ATXN7L1: variants seen among roughly 807,000 people sequenced by gnomAD.
The protein encoded by ATXN7L1 is ataxin-7-like protein 1.
Under a neutral mutation model 70.8 loss-of-function variants are expected in ATXN7L1, and 15 were observed. The ratio of observed to expected loss-of-function variants is 0.21; its 90% CI spans 0.14 to 0.33. The LOEUF (loss-of-function observed/expected upper bound fraction) is 0.33. Among genes scored for constraint, ATXN7L1 ranks in the 10% least tolerant of loss-of-function variants. The pLI is 1.00. For synonymous variants in ATXN7L1, 440 were observed against 445.1 expected (o/e 0.99, Z 0.14); for missense variants, 975 against 1,097.1 (o/e 0.89, Z 1.57).
chr7:105,789,954 A>AGAACATTATCCATCCACT (rs1804894749), intron 2 of ATXN7L1, among the ~76,000 whole-genome samples: 1 of 152,232 alleles, frequency 6.6e-6, no homozygotes, highest in Non-Finnish European at 1.5e-5. Context: ...AAAATACCAC[A>AGAACATTATCCATCCACT]GAACATTATC....
chr7:105,851,011 C>T (rs1300273618), intron 2 of ATXN7L1, among the ~76,000 whole-genome samples: 1 of 152,152 alleles, frequency 6.6e-6, no homozygotes, highest in East Asian at 1.9e-4. Flanking sequence ...CAACTTCCCA[C>T]AACACCTCCC....
intron 3 of ATXN7L1, among the ~76,000 whole-genome samples, chr7:105,729,983 C>T (rs1405478746): frequency 2.0e-5 from 3 of 151,938 alleles, no homozygotes; most frequent in South Asian, 2.1e-4. Flanking sequence ...GTGATCCGCC[C>T]GTCTCGGCCT....
intron 3 of ATXN7L1, among the ~76,000 whole-genome samples, chr7:105,749,270 A>T (rs1437473829): frequency 6.6e-6 from 1 of 151,950 alleles, no homozygotes; most frequent in East Asian, 1.9e-4. Flanking sequence ...GGGTATAGTT[A>T]CAGTACAGGA....
In ATXN7L1 at chr7:105,620,379, T is replaced by C. The variant is rs1324431726; in HGVS notation, c.1396-58A>G. 6 of 1,450,946 alleles carry C rather than the reference T, an allele frequency of 4.1e-6. No individual in the cohort carries two copies. In the African/African-American group the frequency reaches 5.8e-5, roughly 14 times the overall value. 89.9% of individuals were successfully genotyped at this position (1,450,946 alleles called of 1,614,324 possible). A position where few individuals can be genotyped will look rare whatever the true frequency, so the allele number is the denominator to read the frequency against. On this transcript the variant is annotated intron_variant, in intron 8 of 11. Transcript: ENST00000419735. ...CAGGTTAATAAGCTAATATAAACTA[T>C]ACAGAGAAAAATAACATTTACATAA...
chr7:105,636,501 A>C (rs911162529), intron 7 of ATXN7L1, among the ~76,000 whole-genome samples: 19 of 136,222 alleles, frequency 1.4e-4, no homozygotes, highest in African/African-American at 5.2e-4. Context: ...GATTAACCTC[A>C]CCCATCCTTT....
chr7:105,790,886 G>A (rs973345014), intron 2 of ATXN7L1, among the ~76,000 whole-genome samples: 5 of 152,104 alleles, frequency 3.3e-5, no homozygotes, highest in African/African-American at 1.2e-4. Flanking sequence ...AACCTCCTCT[G>A]GTTGAGAACC....
chr7:105,630,773 G>C (rs1796482137), intron 7 of ATXN7L1, among the ~76,000 whole-genome samples: 1 of 152,102 alleles, frequency 6.6e-6, no homozygotes, highest in South Asian at 2.1e-4. Context: ...CTCTGGTGGG[G>C]GATGTTGATA....
chr7:105,663,308 G>A (rs1005283309), intron 4 of ATXN7L1, among the ~76,000 whole-genome samples: 14 of 152,292 alleles, frequency 9.2e-5, no homozygotes, highest in African/African-American at 3.1e-4. Flanking sequence ...CCAGCTGTGT[G>A]GCAGGTAACT....
rs533655027 is a variant in ATXN7L1 at position 105,779,468 on chromosome 7, A to G, written c.355+9136T>C. Reference sequence around the variant, plus strand: ...ATAAAAACTTGAAGTGAAGCAAAACATGGTCCTACTTAGTCGTAGATTCTC... The same window carrying G: ...ATAAAAACTTGAAGTGAAGCAAAACGTGGTCCTACTTAGTCGTAGATTCTC... On this transcript the variant is annotated intron_variant, in intron 3 of 11. Coordinates refer to ENST00000419735, the MANE Select transcript of ATXN7L1 (RefSeq NM_020725.2). 3.9e-5 allele frequency among the ~76,000 whole-genome samples: 6 copies of G among 152,302 alleles called. No individual in the cohort carries two copies. The East Asian group carries it at 1.2e-3, about 29-fold the overall frequency.
Position 105,858,841 on chromosome 7 carries a change from C to T in ATXN7L1, c.250+16971G>A, listed in dbSNP as rs978781059. On this transcript the variant is annotated intron_variant, in intron 2 of 11. Transcript: ENST00000419735. ...AAGGAAGTGACAAGACAGACCAGAA[C>T]AGGAAGCATTTTAAATGGCAATGTT... 2.0e-5 allele frequency among the ~76,000 whole-genome samples: 3 copies of T among 151,956 alleles called. No homozygotes were observed. The East Asian group carries it at 5.8e-4, about 29-fold the overall frequency.
chr7:105,646,225 G>A (rs1220377869), intron 4 of ATXN7L1, among the ~76,000 whole-genome samples: 1 of 152,010 alleles, frequency 6.6e-6, no homozygotes, highest in Non-Finnish European at 1.5e-5. Flanking sequence ...CAGGTGGATC[G>A]CTTGAGCTCA....
rs181814340 is a variant in ATXN7L1, at chr7:105,837,027, G to A, written c.250+38785C>T. On this transcript the variant is annotated intron_variant, in intron 2 of 11. Transcript: ENST00000419735. ...CTGACATTGCTCGGCTTCTGGGGAG[G>A]CCTCAGGGAGCTTTTACTCATGGTG... Among the ~76,000 whole-genome samples, 14 of 152,294 alleles carry A rather than the reference G, an allele frequency of 9.2e-5. No individual in the cohort carries two copies. The East Asian group carries it at 2.7e-3, about 29-fold the overall frequency.
At chr7:105,703,044 A>T (rs1023980954) in intron 3 of ATXN7L1, among the ~76,000 whole-genome samples, 1 of 152,220 alleles carries the variant, frequency 6.6e-6, no homozygotes, top group Non-Finnish European at 1.5e-5. Context: ...TGAACCTAGG[A>T]GGCGGAGCTT....
At chr7:105,735,622 T>C (rs963346006) in intron 3 of ATXN7L1, among the ~76,000 whole-genome samples, 2 of 152,188 alleles carry the variant, frequency 1.3e-5, no homozygotes, top group African/African-American at 4.8e-5. Context: ...GTTTCAACAA[T>C]TAATATCCCG....
intron 4 of ATXN7L1, among the ~76,000 whole-genome samples, chr7:105,653,681 A>C (rs1327600255): frequency 6.6e-6 from 1 of 152,110 alleles, no homozygotes; most frequent in Non-Finnish European, 1.5e-5. Flanking sequence ...TCTGACCATG[A>C]AAGTCTTTGT....
chr7:105,742,932 C>G (rs1319739661), intron 3 of ATXN7L1, among the ~76,000 whole-genome samples: 2 of 152,136 alleles, frequency 1.3e-5, no homozygotes, highest in Non-Finnish European at 2.9e-5. Flanking sequence ...ACCTCTCCCC[C>G]TCTCAACATG....
At chr7:105,774,812 A>T (rs1563082301) in intron 3 of ATXN7L1, among the ~76,000 whole-genome samples, 1 of 152,102 alleles carries the variant, frequency 6.6e-6, no homozygotes, top group Non-Finnish European at 1.5e-5. Flanking sequence ...TGAGCAGAAA[A>T]CCACAGCCAC....
chr7:105,616,930 A>G (rs1793987010), intron 9 of ATXN7L1, among the ~76,000 whole-genome samples: 1 of 152,256 alleles, frequency 6.6e-6, no homozygotes, highest in Non-Finnish European at 1.5e-5. Flanking sequence ...ACATGTGGGC[A>G]GAGGTTTGGC....
Position 105,641,212 on chromosome 7 carries a change from C to CTTTT in ATXN7L1, c.862+1625_862+1626insAAAA, listed in dbSNP as rs1330033741. 2.5e-3 allele frequency among the ~76,000 whole-genome samples: 163 copies of CTTTT among 63,982 alleles called. 5 individuals are homozygous for CTTTT. The highest frequency in any genetic ancestry group is 9.3e-3 in the African/African-American group (153 of 16,478). The allele number at this position is 63,982 out of a possible 152,430, so 42.0% of individuals were successfully genotyped here. A position where few individuals can be genotyped will look rare whatever the true frequency, so the allele number is the denominator to read the frequency against. ...CTGCCTTTTCTCTCTCTCTCTCTCT[C>CTTTT]TCTTTTTTTTTTTTTTTTTTTTTTT... is the stretch of plus-strand genomic sequence containing the variant. On this transcript the variant is annotated intron_variant, in intron 5 of 11. Transcript: ENST00000419735.
Sources: gnomAD v4.1 joint callset for allele counts (sites outside exome capture counted in the v4.1 genomes callset) on GRCh38, gnomAD v4.1.1 for gene constraint, MANE v1.5 for transcripts, NCBI Gene and HGNC (gene_info 2026-07-23, HGNC 2026-07-21) for gene names.